DNAAF1: variants seen among roughly 807,000 people sequenced by gnomAD.
The protein encoded by DNAAF1 is dynein axonemal assembly factor 1, also known as dynein assembly factor 1, axonemal.
Under a neutral mutation model 71.1 loss-of-function variants are expected in DNAAF1, and 65 were observed. The ratio of observed to expected loss-of-function variants is 0.91; its 90% confidence interval spans 0.75 to 1.12. The LOEUF (loss-of-function observed/expected upper bound fraction) is 1.12, where lower values mean the gene tolerates loss of function less well. Among genes scored for constraint, DNAAF1 ranks in the 50% most tolerant of loss-of-function variants. DNAAF1 has a pLI of 0.00. For synonymous variants in DNAAF1, 414 were observed against 354.6 expected (o/e 1.17, Z -1.88); for missense variants, 1,178 against 899.8 (o/e 1.31, Z -3.96).
In DNAAF1 at chr16:84,159,678, G is replaced by A. The variant is rs2087611317; in HGVS notation, c.745G>A (p.Val249Ile). The change falls in exon 6 of 12, where the codon GTA (valine) becomes ATA (isoleucine). Residue 249 changes from valine to isoleucine, a missense_variant. Physicochemically the swap from Val to Ile is conservative, Grantham distance 29. Coordinates refer to ENST00000378553, the MANE Select transcript of DNAAF1 (RefSeq NM_178452.6). ...GGTTCTGCTTGTCTTCTTGCAGCGT[G>A]TACTGAATTTGATGGGAAACCCGGT... ...SILESMPDLRVLNLMGNPVIR... is the reference protein window; with the variant it reads ...SILESMPDLRILNLMGNPVIR... The A allele has an allele frequency of 6.2e-7, 1 of 1,611,780 alleles. No homozygotes were observed. The highest frequency in any genetic ancestry group is 8.5e-7 in the Non-Finnish European group (1 of 1,178,620).
chr16:84,154,021 C>T (rs920387762), intron 3 of DNAAF1, among the ~76,000 whole-genome samples: 5 of 152,054 alleles, frequency 3.3e-5, no homozygotes, highest in East Asian at 3.9e-4. Context: ...AATGAGTCAC[C>T]GTGACTCTGA....
At chr16:84,155,437 C>A in intron 4 of DNAAF1, 146 bp from the exon 5 acceptor site, 1 of 896,320 alleles carries the variant, frequency 1.1e-6, no homozygotes, top group South Asian at 1.3e-5. Context: ...CTGTGTTGCC[C>A]AGGCTGGTCT....
chr16:84,157,737 A>C (rs932981286), intron 5 of DNAAF1, among the ~76,000 whole-genome samples: 1 of 152,180 alleles, frequency 6.6e-6, no homozygotes, highest in Non-Finnish European at 1.5e-5. Context: ...AAAGTGAGTC[A>C]ACTGAAAGCA....
At chr16:84,152,930 C>A (rs1352736527) in intron 3 of DNAAF1, among the ~76,000 whole-genome samples, 1 of 150,664 alleles carries the variant, frequency 6.6e-6, no homozygotes, top group Non-Finnish European at 1.5e-5. Flanking sequence ...GCACTCCAGC[C>A]TGGGCAACAG....
In DNAAF1 at chr16:84,154,775, A is replaced by C. The variant is rs367895842; in HGVS notation, c.551A>C (p.Tyr184Ser). The C allele has an allele frequency of 6.2e-7, 1 of 1,614,116 alleles. No homozygotes were observed. Among genetic ancestry groups the C allele is most frequent in the Non-Finnish European group, 8.5e-7 (1 of 1,179,954 alleles). Residue 184 changes from tyrosine to serine, a missense_variant, in exon 4 of 12, where the codon TAC (tyrosine) becomes TCC (serine). Tyr to Ser is a moderately radical substitution (Grantham distance 144, BLOSUM62 -2). Transcript: ENST00000378553. ...KLDALNLSNN[Y>S]IKTIENLSCL... The stretch of plus-strand genomic sequence containing the variant: ...GATGCTCTTAACCTCAGCAACAATT[A>C]CATCAAGACCATTGAAAACCTCTGT...
chr16:84,155,438 A>C (rs2087380906), intron 4 of DNAAF1, 145 bp from the exon 5 acceptor site: 2 of 899,684 alleles, frequency 2.2e-6, no homozygotes, highest in Admixed American at 3.7e-5. Flanking sequence ...TGTGTTGCCC[A>C]GGCTGGTCTC....
intron 8 of DNAAF1, among the ~76,000 whole-genome samples, chr16:84,171,426 G>T (rs149680237): frequency 1.3e-5 from 2 of 152,044 alleles, no homozygotes; most frequent in African/African-American, 2.4e-5. Flanking sequence ...CACTCCAGCC[G>T]GGGTGACAGA....
At chr16:84,172,023 G>A (rs1305599458) in intron 8 of DNAAF1, among the ~76,000 whole-genome samples, 2 of 152,010 alleles carry the variant, frequency 1.3e-5, no homozygotes, top group South Asian at 2.1e-4. Context: ...GACTACAGGT[G>A]CCCGCCACCA....
chr16:84,155,765 A>G lies in DNAAF1; in HGVS notation c.741+16A>G, dbSNP rs2087396793. ...GCCCGATTTGGTAAAAAACAAAAAC[A>G]AAAACAACGAAAAAGCACCACAGGA... On this transcript the variant is annotated intron_variant, in intron 5 of 11. Transcript: ENST00000378553. 1.2e-6 allele frequency: 2 copies of G among 1,613,868 alleles called. No homozygotes were observed. The highest frequency in any genetic ancestry group is 2.2e-5 in the East Asian group (1 of 44,888).
chr16:84,150,480 T>C (rs1567535778), intron 3 of DNAAF1, 138 bp downstream of exon 3: 4 of 745,764 alleles, frequency 5.4e-6, no homozygotes, highest in African/African-American at 3.5e-5. Flanking sequence ...TGGAGATTTA[T>C]GGAAAAGGAA....
Position 84,154,753 on chromosome 16 carries a change from G to C in DNAAF1, c.529G>C (p.Ala177Pro). The change falls in exon 4 of 12, where the codon GCT (alanine) becomes CCT (proline). Residue 177 changes from alanine (A) to proline (P), a missense_variant. By Grantham distance (27) the Ala-to-Pro change is conservative. Transcript: ENST00000378553. The part of the protein sequence containing the change: ...ENLEPLQKLD[A>P]LNLSNNYIKT... ...CCTGGAACCTCTGCAGAAACTGGAT[G>C]CTCTTAACCTCAGCAACAATTACAT... The C allele has an allele frequency of 6.2e-7, 1 of 1,614,128 alleles. No individual in the cohort carries two copies. The highest frequency in any genetic ancestry group is 1.1e-5 in the South Asian group (1 of 91,072).
rs187873577 is a variant in DNAAF1 at position 84,172,415 on chromosome 16, T to C, written c.1644+40T>C. ...TAATCTTGGAGATAAGTATCAGTTT[T>C]ACTGTTAGTAAAATAGGTAATCAGA... On this transcript the variant is annotated intron_variant, in intron 9 of 11. Coordinates refer to ENST00000378553, the MANE Select transcript of DNAAF1 (RefSeq NM_178452.6). 2.4e-3 allele frequency: 3,894 copies of C among 1,607,896 alleles called. 7 individuals are homozygous for C. Among genetic ancestry groups the C allele is most frequent in the Non-Finnish European group, 2.9e-3 (3,379 of 1,176,840 alleles).
intron 9 of DNAAF1, chr16:84,174,154 G>T: frequency 1.0e-6 from 1 of 996,514 alleles, no homozygotes; most frequent in Non-Finnish European, 1.2e-6. Flanking sequence ...CCTAGGCACC[G>T]TGGCTCCAGT....
In DNAAF1 at chr16:84,145,469, C is replaced by T. The variant is rs753941664; in HGVS notation, c.29C>T (p.Thr10Ile). 6.3e-7 allele frequency: 1 copy of T among 1,577,952 alleles called. No individual in the cohort carries two copies. The highest frequency in any genetic ancestry group is 8.6e-7 in the Non-Finnish European group (1 of 1,162,186). ...CACCCTGAGCCCTCGGAGCCTGCGA[C>T]AGGTGGTGCAGCAGAGCTGGATTGC... MHPEPSEPA[T>I]GGAAELDCAQ... The change falls in exon 1 of 12, where the codon ACA (threonine) becomes ATA (isoleucine). Residue 10 changes from threonine to isoleucine, a missense_variant. Coordinates refer to ENST00000378553, the MANE Select transcript of DNAAF1 (RefSeq NM_178452.6).
Position 84,170,164 on chromosome 16 carries a change from GC to G in DNAAF1, c.1340del (p.Pro447HisfsTer33), listed in dbSNP as rs769393793. 2 of 1,603,056 alleles carry G rather than the reference GC, an allele frequency of 1.2e-6. No homozygotes were observed. The highest frequency in any genetic ancestry group is 2.7e-5 in the African/African-American group (2 of 74,144). ...GEPEGTLPAE[A>X]PPPPPPVEVK... ...GCCAGAGGGGACCCTCCCAGCTGAG[GC>G]CCCACCACCCCCGCCACCTGTGGAG... On this transcript the variant is annotated frameshift_variant, in exon 8 of 12. Coordinates refer to ENST00000378553, the MANE Select transcript of DNAAF1 (RefSeq NM_178452.6). LOFTEE classifies it high-confidence loss of function.
chr16:84,154,781 A>G lies in DNAAF1; in HGVS notation c.557A>G (p.Lys186Arg), dbSNP rs866590229. 6.2e-7 allele frequency: 1 copy of G among 1,614,000 alleles called. No individual in the cohort carries two copies. The highest frequency in any genetic ancestry group is 1.7e-5 in the Admixed American group (1 of 60,002). Residue 186 changes from lysine to arginine, a missense_variant, in exon 4 of 12, where the codon AAG (lysine) becomes AGG (arginine). Transcript: ENST00000378553. ...DALNLSNNYI[K>R]TIENLSCLPV... ...CTTAACCTCAGCAACAATTACATCAAGACCATTGAAAACCTCTGTAAGGGT... is the reference window on the plus strand; with the variant it reads ...CTTAACCTCAGCAACAATTACATCAGGACCATTGAAAACCTCTGTAAGGGT...
chr16:84,150,958 T>C (rs1329666095), intron 3 of DNAAF1, among the ~76,000 whole-genome samples: 1 of 152,120 alleles, frequency 6.6e-6, no homozygotes, highest in Non-Finnish European at 1.5e-5. Context: ...GTAAGTACTT[T>C]GGGGTTGGGA....
chr16:84,153,105 A>G (rs945272924), intron 3 of DNAAF1, among the ~76,000 whole-genome samples: 7 of 152,308 alleles, frequency 4.6e-5, no homozygotes, highest in Admixed American at 2.0e-4. Context: ...ACGTTGAGGA[A>G]CTGTTGTTTA....
intron 6 of DNAAF1, among the ~76,000 whole-genome samples, 172 bp downstream of exon 6, chr16:84,159,968 C>T (rs2087624226): frequency 7.4e-6 from 1 of 134,256 alleles, no homozygotes; most frequent in Non-Finnish European, 1.6e-5. Context: ...AGCACTTATT[C>T]ATAGATTTTT....
Sources: gnomAD v4.1 joint callset for allele counts (sites outside exome capture counted in the v4.1 genomes callset) on GRCh38, gnomAD v4.1.1 for gene constraint, MANE v1.5 for transcripts, NCBI Gene and HGNC (gene_info 2026-07-23, HGNC 2026-07-21) for gene names.